The following RNGTT variants were observed in gnomAD, a reference collection of about 807,000 sequenced individuals.
RNGTT encodes mRNA-capping enzyme.
A neutral mutation model predicts 79.3 loss-of-function variants in RNGTT; 33 were observed. The observed-to-expected ratio is 0.42, with a 90% CI of 0.32 to 0.56. RNGTT has a LOEUF of 0.56. RNGTT is among the 20% of genes least tolerant of loss of function. RNGTT has a pLI of 0.17. For synonymous variants in RNGTT, 222 were observed against 235.9 expected, an observed-to-expected ratio of 0.94 and a Z score of 0.54; for missense variants, 497 against 739.1, an observed-to-expected ratio of 0.67 and a Z score of 3.80.
intron 9 of RNGTT, among the ~76,000 whole-genome samples, chr6:88,852,035 T>C (rs1320222589): frequency 8.0e-6 from 1 of 124,854 alleles, no homozygotes; most frequent in Non-Finnish European, 1.9e-5. Context: ...TAGAAATCTT[T>C]CTGTTTCTAA....
At chr6:88,912,240 CA>C (rs780443086) in intron 4 of RNGTT, among the ~76,000 whole-genome samples, 528 of 139,900 alleles carry the variant, frequency 3.8e-3, no homozygotes, top group Middle Eastern at 7.2e-3. Context: ...CCATCTCTAC[CA>C]AAAAAAAAAA....
chr6:88,614,772 G>A (rs1226877159), intron 14 of RNGTT, among the ~76,000 whole-genome samples: 1 of 152,170 alleles, frequency 6.6e-6, no homozygotes, highest in Non-Finnish European at 1.5e-5. Context: ...TCAACTTTCA[G>A]AAAGGTCTAA....
At chr6:88,722,758 A>C (rs1038705374) in intron 13 of RNGTT, among the ~76,000 whole-genome samples, 4 of 152,232 alleles carry the variant, frequency 2.6e-5, no homozygotes, top group Non-Finnish European at 4.4e-5. Flanking sequence ...CATGAGCCTC[A>C]TAACAATGTT....
chr6:88,765,302 G>C (rs917386035), intron 13 of RNGTT, among the ~76,000 whole-genome samples: 1 of 151,846 alleles, frequency 6.6e-6, no homozygotes, highest in Non-Finnish European at 1.5e-5. Flanking sequence ...CTTCATTCAG[G>C]GCACTTTTTT....
At chr6:88,639,123 G>A (rs964583571) in intron 14 of RNGTT, among the ~76,000 whole-genome samples, 7 of 152,034 alleles carry the variant, frequency 4.6e-5, no homozygotes, top group African/African-American at 1.7e-4. Flanking sequence ...AACAGATGAT[G>A]CATCCATGAA....
Position 88,902,983 on chromosome 6 carries a change from C to T in RNGTT, c.684+1732G>A, listed in dbSNP as rs187575843. On this transcript the variant is annotated intron_variant, in intron 6 of 15. Transcript: ENST00000369485. ...GGCTGGGATTACAGGCGTGAGCCAC[C>T]GCACCTGGCCATGAAATCTTGAGTA... 3.3e-5 allele frequency among the ~76,000 whole-genome samples: 5 copies of T among 151,976 alleles called. No homozygotes were observed. In the East Asian group the frequency reaches 5.8e-4, roughly 18 times the overall value.
chr6:88,784,708 T>A (rs1466702476), intron 12 of RNGTT, among the ~76,000 whole-genome samples: 2 of 152,134 alleles, frequency 1.3e-5, no homozygotes, highest in African/African-American at 4.8e-5. Context: ...TTCTAAAATG[T>A]GGAATTGCTA....
At chr6:88,871,421 T>C (rs1005412945) in intron 8 of RNGTT, among the ~76,000 whole-genome samples, 1 of 152,102 alleles carries the variant, frequency 6.6e-6, no homozygotes, top group Non-Finnish European at 1.5e-5. Context: ...ACAAAATTAT[T>C]TGACACTCTT....
intron 8 of RNGTT, among the ~76,000 whole-genome samples, chr6:88,869,433 T>C (rs1782285483): frequency 6.6e-6 from 1 of 152,176 alleles, no homozygotes; most frequent in Non-Finnish European, 1.5e-5. Context: ...TATAGCTGAT[T>C]GGTTTAATTT....
chr6:88,735,450 A>G (rs1777252430), intron 13 of RNGTT, among the ~76,000 whole-genome samples: 1 of 152,080 alleles, frequency 6.6e-6, no homozygotes, highest in Non-Finnish European at 1.5e-5. Flanking sequence ...ACCATAACAA[A>G]TTTAAGGTTT....
At chr6:88,741,912 C>A (rs1332684485) in intron 13 of RNGTT, among the ~76,000 whole-genome samples, 2 of 152,166 alleles carry the variant, frequency 1.3e-5, no homozygotes, top group Non-Finnish European at 2.9e-5. Flanking sequence ...ACGACCTGAT[C>A]TTTCCGTTGC....
At chr6:88,868,455 T>C (rs1782246565) in intron 8 of RNGTT, among the ~76,000 whole-genome samples, 1 of 152,170 alleles carries the variant, frequency 6.6e-6, no homozygotes, top group Middle Eastern at 3.2e-3. Context: ...CTTACAAAGA[T>C]TGTGGATTTA....
intron 11 of RNGTT, among the ~76,000 whole-genome samples, chr6:88,835,971 T>TG (rs1554222113): frequency 3.9e-5 from 3 of 77,758 alleles, no homozygotes; most frequent in African/African-American, 1.6e-4. Context: ...CTGTCTCTAT[T>TG]AAAAACACAC....
chr6:88,619,608 C>T (rs982986218), intron 14 of RNGTT, among the ~76,000 whole-genome samples: 26 of 152,062 alleles, frequency 1.7e-4, no homozygotes, highest in Non-Finnish European at 3.5e-4. Context: ...GAAAGAAGAA[C>T]GGGGGTGTGG....
At chr6:88,800,492 ACTAG>A (rs1779749428) in intron 12 of RNGTT, among the ~76,000 whole-genome samples, 1 of 152,198 alleles carries the variant, frequency 6.6e-6, no homozygotes, top group Non-Finnish European at 1.5e-5. Flanking sequence ...TAAATTCTCA[ACTAG>A]CTTATACTCT....
chr6:88,625,336 C>T (rs916870122), intron 14 of RNGTT, among the ~76,000 whole-genome samples: 1 of 151,902 alleles, frequency 6.6e-6, no homozygotes, highest in African/African-American at 2.4e-5. Flanking sequence ...CTTAAATGCC[C>T]TTCAAATGGT....
intron 11 of RNGTT, among the ~76,000 whole-genome samples, chr6:88,824,708 C>CA (rs938728147): frequency 2.0e-5 from 3 of 149,310 alleles, no homozygotes; most frequent in Admixed American, 2.0e-4. Flanking sequence ...AAGACGCCAA[C>CA]AAAAAGGACC....
intron 14 of RNGTT, among the ~76,000 whole-genome samples, chr6:88,641,921 G>T (rs1022644156): frequency 4.6e-5 from 7 of 151,978 alleles, no homozygotes; most frequent in Non-Finnish European, 8.8e-5. Context: ...GTATTTAAAA[G>T]AAATAAAAAG....
chr6:88,612,859 G>A lies in RNGTT; in HGVS notation c.1654C>T (p.Pro552Ser), dbSNP rs1310390387. The change falls in exon 16 of 16, where the codon CCT becomes TCT. Residue 552 changes from proline (P) to serine (S), a missense_variant. Transcript: ENST00000369485. Reference sequence around the variant, plus strand: ...TCAAACAGCATCTCCTTGGTGACAGGGTTTGAGATGCTGTTACACACAGCT... The same window carrying A: ...TCAAACAGCATCTCCTTGGTGACAGAGTTTGAGATGCTGTTACACACAGCT... ...AMAVCNSISN[P>S]VTKEMLFEFI... 1 of 1,613,682 alleles carries A rather than the reference G, an allele frequency of 6.2e-7. No homozygotes were observed. The highest frequency in any genetic ancestry group is 1.3e-5 in the African/African-American group (1 of 74,892).
Sources: gnomAD v4.1 joint callset for allele counts (sites outside exome capture counted in the v4.1 genomes callset) on GRCh38, gnomAD v4.1.1 for gene constraint, MANE v1.5 for transcripts, NCBI Gene and HGNC (gene_info 2026-07-23, HGNC 2026-07-21) for gene names.